Variants in NKAIN3 observed in about 807,000 individuals in gnomAD.
NKAIN3 encodes sodium/potassium-transporting ATPase subunit beta-1-interacting protein 3.
NKAIN3 carries 25 observed loss-of-function variants against 30.2 expected under a neutral mutation model. That is an observed-to-expected ratio of 0.83 (90% CI 0.60 to 1.16). The LOEUF is 1.16. Ranked by LOEUF, NKAIN3 falls within the 50% of genes most tolerant of loss-of-function variation. The pLI is 0.00. For synonymous variants in NKAIN3, 91 were observed against 89.6 expected, an observed-to-expected ratio of 1.02 and a Z score of -0.09; for missense variants, 225 against 254.1, an observed-to-expected ratio of 0.89 and a Z score of 0.78.
At chr8:62,864,125 T>C (rs11776591) in intron 4 of NKAIN3, 472,998 of 622,744 alleles carry the variant, frequency 0.76, 183,050 homozygotes, top group African/African-American at 0.82. Context: ...GCGGAGGTGA[T>C]GGCGACGCGA....
At chr8:62,912,462 C>G (rs1821949361) in intron 4 of NKAIN3, among the ~76,000 whole-genome samples, 1 of 152,058 alleles carries the variant, frequency 6.6e-6, no homozygotes, top group Admixed American at 6.6e-5. Flanking sequence ...CTTTATAAAC[C>G]TTTTAAAGAA....
rs191863002 is a variant in NKAIN3, at chr8:62,812,260, G to T, written c.471+65131G>T. Among the ~76,000 whole-genome samples, 11 of 151,716 alleles carry T rather than the reference G, an allele frequency of 7.3e-5. No homozygotes were observed. In the South Asian group the frequency reaches 1.5e-3, roughly 20 times the overall value. On this transcript the variant is annotated intron_variant, in intron 4 of 6. Transcript: ENST00000623646. The stretch of plus-strand genomic sequence containing the variant: ...AACTATACAGTAAATCTTAATATTG[G>T]GTTGAATAATTCTTTCCACTTTATT...
intron 3 of NKAIN3, among the ~76,000 whole-genome samples, chr8:62,704,634 A>G (rs1814460366): frequency 6.6e-6 from 1 of 151,764 alleles, no homozygotes; most frequent in Admixed American, 6.6e-5. Flanking sequence ...ATTTGGCTTG[A>G]CTCTCCAGCT....
chr8:62,734,740 T>C (rs1002739124), intron 3 of NKAIN3, among the ~76,000 whole-genome samples: 2 of 152,196 alleles, frequency 1.3e-5, no homozygotes, highest in African/African-American at 4.8e-5. Context: ...GCAAGAAAGA[T>C]AAATGCCAAG....
At chr8:62,269,860 CTG>C (rs1240709216) in intron 1 of NKAIN3, among the ~76,000 whole-genome samples, 4 of 152,124 alleles carry the variant, frequency 2.6e-5, no homozygotes, top group Non-Finnish European at 4.4e-5. Context: ...ACGAGATTCA[CTG>C]TTTTATAGGA....
rs915912902 is a variant in NKAIN3, at chr8:62,544,532, T to G, written c.55-35007T>G. On this transcript the variant is annotated intron_variant, in intron 1 of 6. Coordinates refer to ENST00000623646, the MANE Select transcript of NKAIN3 (RefSeq NM_001304533.3). Reference sequence around the variant, plus strand: ...TTTCTTTAAGGCCTCATTTTTCATTTTTAATCAAAAAAGTAGTAAATGCTT... The same window carrying G: ...TTTCTTTAAGGCCTCATTTTTCATTGTTAATCAAAAAAGTAGTAAATGCTT... Among the ~76,000 whole-genome samples the G allele has an allele frequency of 3.9e-5, 6 of 152,230 alleles. No homozygotes were observed. The East Asian group carries it at 1.2e-3, about 29-fold the overall frequency.
chr8:62,436,501 A>G (rs1040344142), intron 1 of NKAIN3, among the ~76,000 whole-genome samples: 2 of 152,164 alleles, frequency 1.3e-5, no homozygotes, highest in African/African-American at 2.4e-5. Context: ...TGGTTATAAA[A>G]CAGCTGTGAT....
In NKAIN3 at chr8:62,345,484, T is replaced by TACATATACACACATATGTATATATACAC. The variant is rs1563942698; in HGVS notation, c.54+96358_54+96359insCATATACACACATATGTATATATACACA. On this transcript the variant is annotated intron_variant, in intron 1 of 6. Coordinates refer to ENST00000623646, the MANE Select transcript of NKAIN3 (RefSeq NM_001304533.3). ...ATATACACATATATACACATATATGTATATATACACACATATATACACATA... is the reference window on the plus strand; with the variant it reads ...ATATACACATATATACACATATATGTACATATACACACATATGTATATATACACATATATACACACATATATACACATA... Among the ~76,000 whole-genome samples, 46 of 27,844 alleles carry TACATATACACACATATGTATATATACAC rather than the reference T, an allele frequency of 1.7e-3. 4 individuals are homozygous for TACATATACACACATATGTATATATACAC. Among genetic ancestry groups the TACATATACACACATATGTATATATACAC allele is most frequent in the South Asian group, 7.6e-3 (5 of 656 alleles). The allele number at this position is 27,844 out of a possible 152,430, so 18.3% of individuals were successfully genotyped here. A position where few individuals can be genotyped will look rare whatever the true frequency, so the allele number is the denominator to read the frequency against.
At chr8:62,295,051 G>A (rs2129587389) in intron 1 of NKAIN3, among the ~76,000 whole-genome samples, 1 of 152,156 alleles carries the variant, frequency 6.6e-6, no homozygotes. Flanking sequence ...AATCTATGTG[G>A]CACCTGTCCC....
At chr8:62,726,179 C>T (rs866363992) in intron 3 of NKAIN3, among the ~76,000 whole-genome samples, 1 of 151,948 alleles carries the variant, frequency 6.6e-6, no homozygotes, top group African/African-American at 2.4e-5. Context: ...ATTTTGTATG[C>T]TAATTTTATA....
intron 1 of NKAIN3, chr8:62,473,289 T>C (rs1047931089): frequency 5.3e-5 from 8 of 152,328 alleles, no homozygotes; most frequent in Middle Eastern, 3.4e-3. Context: ...AAAAGTCTAT[T>C]GCTTGAGATT....
intron 4 of NKAIN3, among the ~76,000 whole-genome samples, chr8:62,905,560 A>G (rs1052980083): frequency 2.0e-5 from 3 of 152,160 alleles, no homozygotes; most frequent in African/African-American, 7.2e-5. Context: ...ACTCCTTGAA[A>G]GAACTGTTAA....
chr8:62,559,480 A>G (rs2129971034), intron 1 of NKAIN3, among the ~76,000 whole-genome samples: 1 of 152,122 alleles, frequency 6.6e-6, no homozygotes, highest in African/African-American at 2.4e-5. Context: ...TCTCATTTGT[A>G]AAATTTCTCT....
intron 4 of NKAIN3, among the ~76,000 whole-genome samples, chr8:62,765,659 T>C (rs1249066428): frequency 2.6e-5 from 4 of 152,218 alleles, no homozygotes; most frequent in African/African-American, 9.6e-5. Context: ...TCATAAAATC[T>C]GTCTTGATGT....
At position 62,831,752 on chromosome 8, in the gene NKAIN3, T is replaced by C. The variant is rs147840074; in HGVS notation, c.471+84623T>C. Among the ~76,000 whole-genome samples the C allele has an allele frequency of 5.9e-5, 9 of 152,292 alleles. No individual in the cohort carries two copies. The East Asian group carries it at 1.7e-3, about 29-fold the overall frequency. ...GTAAAGTGACCAAATCTATGAATTATTAGAATTCCTGAGAGAGGAGAATAA... is the reference window on the plus strand; with the variant it reads ...GTAAAGTGACCAAATCTATGAATTACTAGAATTCCTGAGAGAGGAGAATAA... On this transcript the variant is annotated intron_variant, in intron 4 of 6. Coordinates refer to ENST00000623646, the MANE Select transcript of NKAIN3 (RefSeq NM_001304533.3).
chr8:62,436,388 A>G (rs927462978), intron 1 of NKAIN3, among the ~76,000 whole-genome samples: 1 of 152,040 alleles, frequency 6.6e-6, no homozygotes, highest in Non-Finnish European at 1.5e-5. Flanking sequence ...TTTTAAGAAA[A>G]CTCTAAACTC....
chr8:62,572,919 G>A (rs1809993000), intron 1 of NKAIN3, among the ~76,000 whole-genome samples: 2 of 152,060 alleles, frequency 1.3e-5, no homozygotes, highest in Admixed American at 1.3e-4. Flanking sequence ...TATTTTAAAG[G>A]CACTCCCATT....
chr8:62,340,056 A>G (rs1395514300), intron 1 of NKAIN3, among the ~76,000 whole-genome samples: 1 of 152,116 alleles, frequency 6.6e-6, no homozygotes. Flanking sequence ...AAGACAGATT[A>G]ATAAGAAAAG....
At chr8:62,316,194 T>C (rs1014883725) in intron 1 of NKAIN3, among the ~76,000 whole-genome samples, 1 of 152,136 alleles carries the variant, frequency 6.6e-6, no homozygotes, top group African/African-American at 2.4e-5. Flanking sequence ...CTGTCCTTTA[T>C]AAGTTACCAA....
Sources: gnomAD v4.1 joint callset for allele counts (sites outside exome capture counted in the v4.1 genomes callset) on GRCh38, gnomAD v4.1.1 for gene constraint, MANE v1.5 for transcripts, NCBI Gene and HGNC (gene_info 2026-07-23, HGNC 2026-07-21) for gene names.